Variants in ZNF391 observed in about 807,000 individuals in gnomAD.
ZNF391 encodes zinc finger protein 391.
For synonymous variants in ZNF391, 126 were observed against 142.1 expected, an observed-to-expected ratio of 0.89 and a Z score of 0.80; for missense variants, 375 against 425.5, an observed-to-expected ratio of 0.88 and a Z score of 1.04.
upstream of ZNF391, among the ~76,000 whole-genome samples, chr6:27,386,954 A>G (rs1761592500): frequency 7.6e-6 from 1 of 131,612 alleles, no homozygotes; most frequent in Non-Finnish European, 1.7e-5. Context: ...CTGGGAGAAA[A>G]TATTTGCAAA....
intron 1 of ZNF391, among the ~76,000 whole-genome samples, chr6:27,383,498 A>G (rs1761539485): frequency 6.6e-6 from 1 of 152,180 alleles, no homozygotes; most frequent in Non-Finnish European, 1.5e-5. Flanking sequence ...TTTATTTCTT[A>G]TACCTCTGGG....
At chr6:27,394,047 A>G (rs1395467105) in intron 1 of ZNF391, among the ~76,000 whole-genome samples, 1 of 152,240 alleles carries the variant, frequency 6.6e-6, no homozygotes, top group Non-Finnish European at 1.5e-5. Flanking sequence ...AGCAGAGCAT[A>G]AAAGTTTGGA....
intron 1 of ZNF391, among the ~76,000 whole-genome samples, chr6:27,383,348 T>C (rs1761537631): frequency 6.6e-6 from 1 of 151,470 alleles, no homozygotes; most frequent in Non-Finnish European, 1.5e-5. Context: ...CAAATTAATG[T>C]CAGATATCAA....
At chr6:27,398,584 C>T (rs961148757) in intron 1 of ZNF391, among the ~76,000 whole-genome samples, 6 of 152,148 alleles carry the variant, frequency 3.9e-5, no homozygotes, top group South Asian at 2.1e-4. Context: ...GTTGGCCAGG[C>T]GCAGTGGCTC....
chr6:27,402,266 A>G lies in ZNF391; in HGVS notation c.*819A>G, dbSNP rs1156797996. On this transcript the variant is annotated 3_prime_UTR_variant, in exon 3 of 3. Transcript: ENST00000244576. ...TAATTTTCTTTCATTTACAGATTTC[A>G]TGAAACTTATATTCTGTGGCTTTGA... 1 of 152,100 alleles carries G rather than the reference A, an allele frequency of 6.6e-6. No individual in the cohort carries two copies. The highest frequency in any genetic ancestry group is 1.5e-5 in the Non-Finnish European group (1 of 68,022). The allele number at this position is 152,100 out of a possible 1,614,324, so 9.4% of individuals were successfully genotyped here.
intron 1 of ZNF391, among the ~76,000 whole-genome samples, chr6:27,393,599 A>T (rs138370055): frequency 6.6e-6 from 1 of 152,240 alleles, no homozygotes; most frequent in Non-Finnish European, 1.5e-5. Context: ...GGCTATAAAG[A>T]TACTTAAAAA....
At chr6:27,396,445 C>T (rs945944603) in intron 1 of ZNF391, among the ~76,000 whole-genome samples, 1 of 152,056 alleles carries the variant, frequency 6.6e-6, no homozygotes, top group Non-Finnish European at 1.5e-5. Context: ...TATATTTTGG[C>T]TGGACGTGGT....
intron 2 of ZNF391, 64 bp from the exon 3 acceptor site, chr6:27,400,229 T>C: frequency 1.5e-6 from 1 of 662,234 alleles, no homozygotes; most frequent in Non-Finnish European, 2.5e-6. Context: ...TTTTCTCTGC[T>C]GGTTTATTTT....
At chr6:27,393,372 A>T (rs991405394) in intron 1 of ZNF391, among the ~76,000 whole-genome samples, 1 of 152,188 alleles carries the variant, frequency 6.6e-6, no homozygotes, top group African/African-American at 2.4e-5. Context: ...TGCTTTTGCC[A>T]TGTGATGTGC....
chr6:27,388,591 C>T (rs1426909991), upstream of ZNF391: 2 of 293,630 alleles, frequency 6.8e-6, no homozygotes, highest in Admixed American at 5.2e-5. Flanking sequence ...GCACCTCTCG[C>T]AGACCCCCTT....
upstream of ZNF391, among the ~76,000 whole-genome samples, chr6:27,386,455 T>C (rs569981493): frequency 6.6e-6 from 1 of 152,200 alleles, no homozygotes; most frequent in South Asian, 2.1e-4. Flanking sequence ...AATGAAAACC[T>C]TGGAGAAAAG....
Position 27,401,991 on chromosome 6 carries a change from T to C in ZNF391, c.*544T>C, listed in dbSNP as rs1484724572. The C allele has an allele frequency of 6.6e-6, 1 of 152,302 alleles. No individual in the cohort carries two copies. The highest frequency in any genetic ancestry group is 1.5e-5 in the Non-Finnish European group (1 of 68,114). The allele number at this position is 152,302 out of a possible 1,614,324, so 9.4% of individuals were successfully genotyped here. A position where few individuals can be genotyped will look rare whatever the true frequency, so the allele number is the denominator to read the frequency against. On this transcript the variant is annotated 3_prime_UTR_variant, in exon 3 of 3. Transcript: ENST00000244576. The stretch of plus-strand genomic sequence containing the variant: ...TGAAAACTTCTCACCAGTCTGGGGA[T>C]AATAGTGTTGAGGCAAATTCATTCT...
At chr6:27,395,458 G>A (rs1468645140) in intron 1 of ZNF391, among the ~76,000 whole-genome samples, 1 of 152,166 alleles carries the variant, frequency 6.6e-6, no homozygotes, top group Non-Finnish European at 1.5e-5. Flanking sequence ...AGGCTCACCA[G>A]AAGCTGAGAA....
At chr6:27,385,637 A>G (rs1761574355), upstream of ZNF391, among the ~76,000 whole-genome samples, 1 of 152,220 alleles carries the variant, frequency 6.6e-6, no homozygotes, top group Admixed American at 6.5e-5. Context: ...TACATGAGGC[A>G]AAAACTGATA....
rs1354998369 is a variant in ZNF391, at chr6:27,376,972, A to G, written n.523+1835A>G. On this transcript the variant is annotated intron_variant and non_coding_transcript_variant, in intron 1 of 2. Transcript: ENST00000477999. This position sits in a 1 kb window ranked among gnomAD's most constrained non-coding sequence, Gnocchi z 4.7. ...GTGGCTCCTTCCACCCATTGTTATG[A>G]ATATTAAATGAGTTAATAATGTAAT... Among the ~76,000 whole-genome samples, 1 of 152,192 alleles carries G rather than the reference A, an allele frequency of 6.6e-6. No homozygotes were observed. The highest frequency in any genetic ancestry group is 1.5e-5 in the Non-Finnish European group (1 of 68,034).
At chr6:27,382,034 CAAA>C (rs58338028) in intron 1 of ZNF391, among the ~76,000 whole-genome samples, 1 of 88,348 alleles carries the variant, frequency 1.1e-5, no homozygotes. Context: ...GACTCCATCT[CAAA>C]AAAAAAAAAA....
chr6:27,398,961 G>A (rs1228316961), intron 1 of ZNF391, among the ~76,000 whole-genome samples: 2 of 152,136 alleles, frequency 1.3e-5, no homozygotes, highest in Admixed American at 6.5e-5. Context: ...TAGAGAGAAG[G>A]GGCCTCCTGT....
chr6:27,382,419 C>T (rs1761524141), intron 1 of ZNF391, among the ~76,000 whole-genome samples: 1 of 152,144 alleles, frequency 6.6e-6, no homozygotes, highest in South Asian at 2.1e-4. Flanking sequence ...TTCTTTTACT[C>T]AGCACAGCAT....
rs1762033124 is a variant in ZNF391, at chr6:27,403,837, T to A, written c.*2390T>A. 6.6e-6 allele frequency: 1 copy of A among 152,208 alleles called. No individual in the cohort carries two copies. The highest frequency in any genetic ancestry group is 6.5e-5 in the Admixed American group (1 of 15,284). 9.4% of individuals were successfully genotyped at this position (152,208 alleles called of 1,614,324 possible). ...TAAAGAATAAGTGAGTTCATTCATG[T>A]AAAGTAGTAAAACAGTGCCTGACAA... On this transcript the variant is annotated 3_prime_UTR_variant, in exon 3 of 3. Coordinates refer to ENST00000244576, the MANE Select transcript of ZNF391 (RefSeq NM_001076781.3).
Sources: allele counts gnomAD v4.1 joint callset (sites outside exome capture counted in the v4.1 genomes callset), GRCh38; gene constraint gnomAD v4.1.1; non-coding constraint Gnocchi (gnomAD v3.1); transcripts MANE v1.5; gene names NCBI Gene and HGNC (gene_info 2026-07-23, HGNC 2026-07-21).